ARHGAP18: variants seen among roughly 807,000 people sequenced by gnomAD.
ARHGAP18 encodes the protein Rho GTPase activating protein 18, also known as rho GTPase-activating protein 18.
In ARHGAP18, 67 loss-of-function variants were observed where a neutral mutation model predicts 86.2. The ratio of observed to expected loss-of-function variants is 0.78; its 90% CI spans 0.64 to 0.95. The LOEUF (loss-of-function observed/expected upper bound fraction) is 0.95, where lower values mean the gene tolerates loss of function less well. Among genes scored for constraint, ARHGAP18 ranks in the 40% least tolerant of loss-of-function variants. The probability of loss-of-function intolerance (pLI) is 0.00; values close to 1 mark genes in which losing one functional copy is unlikely to be tolerated. For missense variants in ARHGAP18, 691 were observed against 780.4 expected, an observed-to-expected ratio of 0.89 and a Z score of 1.37; for synonymous variants, 283 against 280.4, an observed-to-expected ratio of 1.01 and a Z score of -0.09.
Position 129,698,533 on chromosome 6 carries a change from C to CT in ARHGAP18, c.113+11490dup, listed in dbSNP as rs59159724. Among the ~76,000 whole-genome samples the CT allele has an allele frequency of 8.1e-4, 112 of 138,030 alleles. 1 individual carries two copies. The highest frequency in any genetic ancestry group is 1.7e-3 in the African/African-American group (64 of 37,012). 90.6% of individuals were successfully genotyped at this position (138,030 alleles called of 152,430 possible). A position where few individuals can be genotyped will look rare whatever the true frequency, so the allele number is the denominator to read the frequency against. On this transcript the variant is annotated intron_variant, in intron 1 of 14. Transcript: ENST00000368149. Reference sequence around the variant, plus strand: ...TTTATAGCAGCATGGTGTTAAAGCACTTTTTTTTTTTTTTTTGGGTTGGGA... The same window carrying CT: ...TTTATAGCAGCATGGTGTTAAAGCACTTTTTTTTTTTTTTTTTGGGTTGGGA...
chr6:129,698,308 CCTTT>C (rs1030991530), intron 1 of ARHGAP18, among the ~76,000 whole-genome samples: 3 of 152,010 alleles, frequency 2.0e-5, no homozygotes, highest in African/African-American at 7.3e-5. Flanking sequence ...GTCCTTAAAG[CCTTT>C]CTGAGTTACC....
chr6:129,652,796 G>A (rs1169864136), intron 1 of ARHGAP18, among the ~76,000 whole-genome samples: 2 of 152,112 alleles, frequency 1.3e-5, no homozygotes, highest in African/African-American at 4.8e-5. Flanking sequence ...AGTTGCTATT[G>A]ATTCATAATA....
At chr6:129,625,136 T>C (rs1789338580) in intron 5 of ARHGAP18, among the ~76,000 whole-genome samples, 1 of 5,796 alleles carries the variant, frequency 1.7e-4, no homozygotes, top group African/African-American at 7.7e-4. Context: ...TTATATATGA[T>C]ATATATTATA....
chr6:129,579,486 CA>C (rs1562674034), intron 14 of ARHGAP18, among the ~76,000 whole-genome samples: 1 of 150,942 alleles, frequency 6.6e-6, no homozygotes, highest in African/African-American at 2.4e-5. Flanking sequence ...TTCCAAGAGT[CA>C]AAAAAGAAAA....
At position 129,605,604 on chromosome 6, in the gene ARHGAP18, C is replaced by G. The variant is rs142257645; in HGVS notation, c.1365+273G>C. On this transcript the variant is annotated intron_variant, in intron 10 of 14. Coordinates refer to ENST00000368149, the MANE Select transcript of ARHGAP18 (RefSeq NM_033515.3). ...AGGAGAAAAAAAACAAAAAACCACC[C>G]ACGTTTCCATTAACCGACGAACCTC... 1.9e-3 allele frequency among the ~76,000 whole-genome samples: 289 copies of G among 151,862 alleles called. 2 individuals are homozygous for G. Among genetic ancestry groups the G allele is most frequent in the Non-Finnish European group, 2.0e-3 (135 of 67,912 alleles).
At chr6:129,657,427 A>AT (rs1331549963) in intron 1 of ARHGAP18, among the ~76,000 whole-genome samples, 1 of 141,100 alleles carries the variant, frequency 7.1e-6, no homozygotes. Flanking sequence ...CATTTTTGAA[A>AT]TTAAAAAAAA....
chr6:129,672,884 C>A (rs565568334), intron 1 of ARHGAP18, among the ~76,000 whole-genome samples: 18 of 152,318 alleles, frequency 1.2e-4, no homozygotes, highest in African/African-American at 3.4e-4. Context: ...TTATTAACAA[C>A]GACAGACTTT....
chr6:129,613,043 T>A (rs1435076833), intron 7 of ARHGAP18, among the ~76,000 whole-genome samples: 1 of 151,688 alleles, frequency 6.6e-6, no homozygotes, highest in African/African-American at 2.4e-5. Flanking sequence ...ACCATCCTTG[T>A]TAACATGGTG....
At chr6:129,694,491 C>G (rs1318475130) in intron 1 of ARHGAP18, among the ~76,000 whole-genome samples, 3 of 152,192 alleles carry the variant, frequency 2.0e-5, no homozygotes, top group Non-Finnish European at 2.9e-5. Context: ...CAAGAAAACA[C>G]TGAAACTGTG....
At chr6:129,672,827 G>A (rs1265605924) in intron 1 of ARHGAP18, among the ~76,000 whole-genome samples, 2 of 152,204 alleles carry the variant, frequency 1.3e-5, no homozygotes, top group African/African-American at 4.8e-5. Flanking sequence ...AATATCCTCA[G>A]TAAAGCTTTC....
At chr6:129,679,207 C>T (rs1043128564) in intron 1 of ARHGAP18, among the ~76,000 whole-genome samples, 1 of 152,170 alleles carries the variant, frequency 6.6e-6, no homozygotes, top group African/African-American at 2.4e-5. Context: ...GCCACTTTCT[C>T]TTAAGAGATA....
intron 1 of ARHGAP18, among the ~76,000 whole-genome samples, chr6:129,668,363 C>CACACAT: frequency 5.1e-5 from 1 of 19,776 alleles, no homozygotes; most frequent in African/African-American, 4.2e-4. Flanking sequence ...CCCAAATAAT[C>CACACAT]ACACACACAC....
chr6:129,672,389 C>A (rs1260778952), intron 1 of ARHGAP18, among the ~76,000 whole-genome samples: 1 of 152,216 alleles, frequency 6.6e-6, no homozygotes, highest in Non-Finnish European at 1.5e-5. Flanking sequence ...TTCCTTCCTT[C>A]CCACTCCCAA....
In ARHGAP18 at chr6:129,638,729, C is replaced by T. The variant is rs1035745274; in HGVS notation, c.317-100G>A. ...TCTTACTAAAACTCTTCTATTGTAA[C>T]CAAACCACAGTGCTAAGAATCATTA... On this transcript the variant is annotated intron_variant, in intron 2 of 14. Transcript: ENST00000368149. 23 of 1,061,788 alleles carry T rather than the reference C, an allele frequency of 2.2e-5. No homozygotes were observed. In the Middle Eastern group the frequency reaches 6.2e-4, roughly 29 times the overall value. The allele number at this position is 1,061,788 out of a possible 1,614,324, so 65.8% of individuals were successfully genotyped here.
intron 3 of ARHGAP18, among the ~76,000 whole-genome samples, chr6:129,636,739 A>G (rs1773339584): frequency 6.6e-6 from 1 of 152,196 alleles, no homozygotes; most frequent in Admixed American, 6.5e-5. Flanking sequence ...TTAGCTGGGC[A>G]TGGTGGCGTG....
At chr6:129,674,334 C>G (rs1774192866) in intron 1 of ARHGAP18, among the ~76,000 whole-genome samples, 1 of 152,174 alleles carries the variant, frequency 6.6e-6, no homozygotes, top group Admixed American at 6.5e-5. Flanking sequence ...TCCTTGAAAA[C>G]CAAGGGAGAA....
chr6:129,583,909 G>T, intron 13 of ARHGAP18, 79 bp downstream of exon 13: 21 of 1,424,996 alleles, frequency 1.5e-5, no homozygotes, highest in Non-Finnish European at 1.9e-5. Flanking sequence ...AAAAAAGGAA[G>T]AAGAAGCAGC....
chr6:129,591,972 A>T (rs925346445), intron 12 of ARHGAP18, among the ~76,000 whole-genome samples: 7 of 152,238 alleles, frequency 4.6e-5, no homozygotes, highest in African/African-American at 1.7e-4. Flanking sequence ...GCTAATTATA[A>T]TTGGATCTTT....
Position 129,629,566 on chromosome 6 carries a change from A to AT in ARHGAP18, c.617-45dup, listed in dbSNP as rs1006450492. ...AGAACCCAATTCATATGCTTTATTTATTTTTTAAAAAAAATTCTAATGCAT... is the reference window on the plus strand; with the variant it reads ...AGAACCCAATTCATATGCTTTATTTATTTTTTTAAAAAAAATTCTAATGCAT... On this transcript the variant is annotated intron_variant, in intron 4 of 14. Coordinates refer to ENST00000368149, the MANE Select transcript of ARHGAP18 (RefSeq NM_033515.3). The AT allele has an allele frequency of 3.2e-6, 5 of 1,557,124 alleles. No individual in the cohort carries two copies. In the African/African-American group the frequency reaches 4.2e-5, roughly 13 times the overall value.
Sources: allele counts gnomAD v4.1 joint callset (sites outside exome capture counted in the v4.1 genomes callset), GRCh38; gene constraint gnomAD v4.1.1; transcripts MANE v1.5; gene names NCBI Gene and HGNC (gene_info 2026-07-23, HGNC 2026-07-21).